The following NIBAN3 variants were observed in gnomAD, a reference collection of about 807,000 sequenced individuals.
NIBAN3 encodes niban apoptosis regulator 3.
A neutral mutation model predicts 76.4 loss-of-function variants in NIBAN3; 66 were observed. That is an observed-to-expected ratio of 0.86 (90% confidence interval 0.71 to 1.06). NIBAN3 has a LOEUF of 1.06. NIBAN3 is among the 50% of genes least tolerant of loss of function. The pLI is 0.00. For missense variants in NIBAN3, 808 were observed against 810.7 expected (o/e 1.00, Z 0.04); for synonymous variants, 360 against 355.2 (o/e 1.01, Z -0.15).
At chr19:17,541,230 TATACATACATACATACATAC>T (rs56986888) in intron 9 of NIBAN3, among the ~76,000 whole-genome samples, 23 of 150,096 alleles carry the variant, frequency 1.5e-4, no homozygotes, top group South Asian at 8.6e-4. Context: ...TACATACATA[TATACATACATACATACATAC>T]ATACATACAT....
At chr19:17,539,978 G>A (rs948688009) in intron 8 of NIBAN3, among the ~76,000 whole-genome samples, 18 of 152,048 alleles carry the variant, frequency 1.2e-4, no homozygotes, top group African/African-American at 4.1e-4. Context: ...CGAGGCACTG[G>A]GGGCGGGGCC....
At chr19:17,530,331 A>G (rs1433580209) in intron 1 of NIBAN3, among the ~76,000 whole-genome samples, 1 of 151,448 alleles carries the variant, frequency 6.6e-6, no homozygotes, top group Non-Finnish European at 1.5e-5. Context: ...ACAAAAAACA[A>G]AAAACAAAAC....
intron 2 of NIBAN3, 65 bp from the exon 3 acceptor site, chr19:17,532,198 G>A: frequency 6.5e-7 from 1 of 1,544,308 alleles, no homozygotes; most frequent in Non-Finnish European, 8.7e-7. Context: ...CGGGTGTCTG[G>A]GTGGTCGGGC....
intron 5 of NIBAN3, among the ~76,000 whole-genome samples, chr19:17,538,357 A>C (rs1216035904): frequency 6.6e-6 from 1 of 150,956 alleles, no homozygotes; most frequent in Non-Finnish European, 1.5e-5. Flanking sequence ...TGGAGCTTGC[A>C]GTAAGCCGAG....
chr19:17,545,899 C>G, intron 12 of NIBAN3: 1 of 421,858 alleles, frequency 2.4e-6, no homozygotes, highest in South Asian at 1.7e-5. Context: ...GGAGCAGAGT[C>G]TTCTCTAAAC....
In NIBAN3 at chr19:17,538,648, GAGAGA is replaced by G. The variant is rs894840863; in HGVS notation, c.596-495_596-491del. On this transcript the variant is annotated intron_variant, in intron 5 of 14. Coordinates refer to ENST00000599164, the MANE Select transcript of NIBAN3 (RefSeq NM_001321827.2). Reference sequence around the variant, plus strand: ...AGAGAGAGAAAAGAAAAGAAAAGAGGAGAGAAGAGAACAGAAGAAAGAAAAGAAGG... The same window carrying G: ...AGAGAGAGAAAAGAAAAGAAAAGAGGAGAGAACAGAAGAAAGAAAAGAAGG... 4.8e-4 allele frequency among the ~76,000 whole-genome samples: 71 copies of G among 149,060 alleles called. No homozygotes were observed. The East Asian group carries it at 8.2e-3, about 17-fold the overall frequency.
At chr19:17,548,181 C>A (rs1329148860) in intron 13 of NIBAN3, among the ~76,000 whole-genome samples, 1 of 152,116 alleles carries the variant, frequency 6.6e-6, no homozygotes, top group Non-Finnish European at 1.5e-5. Flanking sequence ...GAGATGTGTG[C>A]ACTGATTGGG....
Position 17,530,851 on chromosome 19 carries a change from A to G in NIBAN3, c.152A>G (p.Gln51Arg). ...LRQISRELGP[Q>R]EPTGSQLLRS... ...CAGATCTCTCGAGAGCTGGGCCCTCAGGAGCCGACCGGAAGCCAGTTGCTA... is the reference window on the plus strand; with the variant it reads ...CAGATCTCTCGAGAGCTGGGCCCTCGGGAGCCGACCGGAAGCCAGTTGCTA... Residue 51 changes from glutamine (Q) to arginine (R), a missense_variant, in exon 2 of 15, where the codon CAG (glutamine) becomes CGG (arginine). Coordinates refer to ENST00000599164, the MANE Select transcript of NIBAN3 (RefSeq NM_001321827.2). 6.2e-7 allele frequency: 1 copy of G among 1,613,530 alleles called. No individual in the cohort carries two copies. The highest frequency in any genetic ancestry group is 8.5e-7 in the Non-Finnish European group (1 of 1,179,848).
chr19:17,532,229 GC>G (rs1283610994), intron 2 of NIBAN3, 33 bp from the exon 3 acceptor site: 4 of 1,582,586 alleles, frequency 2.5e-6, no homozygotes, highest in African/African-American at 1.3e-5. Context: ...TCAGCCCACA[GC>G]CCCCTGACAC....
intron 3 of NIBAN3, 124 bp downstream of exon 3, chr19:17,532,512 T>C: frequency 6.8e-7 from 1 of 1,475,944 alleles, no homozygotes; most frequent in East Asian, 2.3e-5. Context: ...AGGATGAATC[T>C]TGTGCCCCTA....
At chr19:17,530,148 C>A (rs2075688153) in intron 1 of NIBAN3, among the ~76,000 whole-genome samples, 1 of 151,804 alleles carries the variant, frequency 6.6e-6, no homozygotes, top group Non-Finnish European at 1.5e-5. Context: ...CTCGTCTCTA[C>A]TAAAAATAGA....
chr19:17,526,299 C>T (rs8105222), upstream of NIBAN3, among the ~76,000 whole-genome samples: 1,306 of 150,712 alleles, frequency 8.7e-3, 19 homozygotes, highest in African/African-American at 0.03. Flanking sequence ...GGCGACAGTG[C>T]GAGAGTCTGT....
Position 17,530,180 on chromosome 19 carries a change from C to G in NIBAN3, c.56-575C>G, listed in dbSNP as rs1176199186. Among the ~76,000 whole-genome samples the G allele has an allele frequency of 2.6e-5, 4 of 151,742 alleles. No homozygotes were observed. The East Asian group carries it at 7.7e-4, about 29-fold the overall frequency. On this transcript the variant is annotated intron_variant, in intron 1 of 14. Transcript: ENST00000599164. ...TAGAAAAATTAGTCAGTCGTGGTGG[C>G]AGAAGCCTGTAGTCTCTGTAGTCCC...
upstream of NIBAN3, chr19:17,523,582 C>G: frequency 1.4e-6 from 1 of 731,598 alleles, no homozygotes; most frequent in Non-Finnish European, 2.3e-6. Flanking sequence ...GAGCTGCCAG[C>G]ACAGGGACCC....
rs1041510477 is a variant in NIBAN3 at position 17,542,853 on chromosome 19, C to G, written c.1330-464C>G. ...CTGTTGGGGACAGGAAAAGAGGAGG[C>G]AGGGAGGAGGCCTGCACCAGGATGG... On this transcript the variant is annotated intron_variant, in intron 10 of 14. Coordinates refer to ENST00000599164, the MANE Select transcript of NIBAN3 (RefSeq NM_001321827.2). This position sits in a 1 kb window ranked among gnomAD's most constrained non-coding sequence, Gnocchi z 4.8. Among the ~76,000 whole-genome samples the G allele has an allele frequency of 3.1e-4, 47 of 152,116 alleles. No homozygotes were observed. Among genetic ancestry groups the G allele is most frequent in the African/African-American group, 1.1e-3 (45 of 41,500 alleles).
At chr19:17,532,126 C>A in intron 2 of NIBAN3, 137 bp from the exon 3 acceptor site, 1 of 1,189,742 alleles carries the variant, frequency 8.4e-7, no homozygotes, top group Non-Finnish European at 1.1e-6. Context: ...CCCCTTCCTG[C>A]CTAGGACTCT....
In NIBAN3 at chr19:17,539,196, C is replaced by A. The variant is rs1436940855; in HGVS notation, c.642C>A (p.Ala214=). ...CTGCTGCCCGGGCCTTCCTGGACGC[C>A]GTCCGACTCTACCGGCAGCACCAAG... The part of the protein sequence containing the change: ...QAPAARAFLD[A]VRLYRQHQGH... Residue 214 remains alanine (A), a synonymous_variant, in exon 6 of 15, where the codon GCC becomes GCA. Transcript: ENST00000599164. The A allele has an allele frequency of 1.2e-6, 2 of 1,607,060 alleles. No individual in the cohort carries two copies.
At position 17,553,375 on chromosome 19, in the gene NIBAN3, T is replaced by A. The variant is rs2076184941; in HGVS notation, c.*1477T>A. 6.2e-7 allele frequency: 1 copy of A among 1,614,244 alleles called. No individual in the cohort carries two copies. ...GAGACAAGCTTTTACCGACTTCCTC[T>A]GCTTGCCAGCAAAGTCATCTGCTAA... On this transcript the variant is annotated 3_prime_UTR_variant, in exon 15 of 15. Coordinates refer to ENST00000599164, the MANE Select transcript of NIBAN3 (RefSeq NM_001321827.2).
Position 17,542,669 on chromosome 19 carries a change from G to A in NIBAN3, c.1329+375G>A, listed in dbSNP as rs999843164. Among the ~76,000 whole-genome samples, 1 of 152,178 alleles carries A rather than the reference G, an allele frequency of 6.6e-6. No individual in the cohort carries two copies. The highest frequency in any genetic ancestry group is 2.4e-5 in the African/African-American group (1 of 41,432). ...TTTTCAGAAATGGGGAAGATAGGCCGGCGACATGGACGGGCAGATCGCGCA... is the reference window on the plus strand; with the variant it reads ...TTTTCAGAAATGGGGAAGATAGGCCAGCGACATGGACGGGCAGATCGCGCA... On this transcript the variant is annotated intron_variant, in intron 10 of 14. Coordinates refer to ENST00000599164, the MANE Select transcript of NIBAN3 (RefSeq NM_001321827.2). This position sits in a 1 kb window ranked among gnomAD's most constrained non-coding sequence, Gnocchi z 4.8.
Sources: allele counts gnomAD v4.1 joint callset (sites outside exome capture counted in the v4.1 genomes callset), GRCh38; gene constraint gnomAD v4.1.1; non-coding constraint Gnocchi (gnomAD v3.1); transcripts MANE v1.5; gene names NCBI Gene and HGNC (gene_info 2026-07-23, HGNC 2026-07-21).